The following PRDM11 variants were observed in gnomAD, a reference collection of about 807,000 sequenced individuals.
PRDM11 encodes PR domain-containing protein 11.
Under a neutral mutation model 97.8 loss-of-function variants are expected in PRDM11, and 20 were observed. That is an observed-to-expected ratio of 0.20 (90% CI 0.14 to 0.30). The LOEUF (loss-of-function observed/expected upper bound fraction) is 0.30. PRDM11 is among the 10% of genes least tolerant of loss of function. PRDM11 has a pLI of 1.00. For synonymous variants in PRDM11, 599 were observed against 637.7 expected (o/e 0.94, Z 0.91); for missense variants, 1,139 against 1,555.2 (o/e 0.73, Z 4.50).
chr11:45,124,871 A>G (rs919903519), intron 1 of PRDM11, among the ~76,000 whole-genome samples: 1 of 152,124 alleles, frequency 6.6e-6, no homozygotes, highest in Non-Finnish European at 1.5e-5. Flanking sequence ...GTTAGGGAGG[A>G]TTCCTTCTTT....
chr11:45,120,557 G>A (rs1017805080), intron 1 of PRDM11, among the ~76,000 whole-genome samples: 1 of 151,864 alleles, frequency 6.6e-6, no homozygotes, highest in Non-Finnish European at 1.5e-5. Flanking sequence ...GCTAGAAAAA[G>A]AATATTGCCA....
chr11:45,125,518 C>T (rs913512811), intron 1 of PRDM11, among the ~76,000 whole-genome samples: 6 of 152,038 alleles, frequency 3.9e-5, no homozygotes, highest in Non-Finnish European at 7.4e-5. Context: ...TGAATGTGTC[C>T]CAGAGATTCT....
At chr11:45,213,259 A>G in intron 5 of PRDM11, 1 of 456,540 alleles carries the variant, frequency 2.2e-6, no homozygotes, top group Non-Finnish European at 4.4e-6. Context: ...TGAAGATGCA[A>G]GAAAAGCCAC....
At chr11:45,182,216 G>A in intron 2 of PRDM11, 30 bp from the exon 3 acceptor site, 1 of 1,596,386 alleles carries the variant, frequency 6.3e-7, no homozygotes, top group Non-Finnish European at 8.6e-7. Flanking sequence ...TGACTTCTTT[G>A]CTTTCTTTGC....
chr11:45,134,262 A>G (rs1249955794), intron 1 of PRDM11, among the ~76,000 whole-genome samples: 1 of 152,234 alleles, frequency 6.6e-6, no homozygotes, highest in Non-Finnish European at 1.5e-5. Flanking sequence ...CAGGAGATAT[A>G]GAAGAAAACT....
intron 1 of PRDM11, among the ~76,000 whole-genome samples, chr11:45,166,197 C>T (rs1412898514): frequency 1.3e-5 from 2 of 152,190 alleles, no homozygotes; most frequent in Admixed American, 6.5e-5. Flanking sequence ...TTACACTGTC[C>T]TCAGGACTTG....
At position 45,228,260 on chromosome 11, in the gene PRDM11, TTATATTATA is replaced by T. The variant is rs1482108633; in HGVS notation, c.*107_*115del. ...TAAATATATATTATATTATATTATA[TTATATTATA>T]TATATATATATATATAAACTCACAC... On this transcript the variant is annotated 3_prime_UTR_variant, in exon 8 of 8. Transcript: ENST00000683152. The T allele has an allele frequency of 1.2e-4, 34 of 280,114 alleles. No individual in the cohort carries two copies. Among genetic ancestry groups the T allele is most frequent in the South Asian group, 1.6e-4 (1 of 6,328 alleles). 17.4% of individuals were successfully genotyped at this position (280,114 alleles called of 1,614,324 possible). A position where few individuals can be genotyped will look rare whatever the true frequency, so the allele number is the denominator to read the frequency against.
At chr11:45,155,886 T>C (rs765841027) in intron 1 of PRDM11, among the ~76,000 whole-genome samples, 12 of 152,080 alleles carry the variant, frequency 7.9e-5, no homozygotes, top group Non-Finnish European at 1.3e-4. Context: ...CAAATGAGTG[T>C]GGACGGGCAT....
At chr11:45,216,355 T>A (rs1853957327) in intron 5 of PRDM11, among the ~76,000 whole-genome samples, 1 of 152,214 alleles carries the variant, frequency 6.6e-6, no homozygotes. Context: ...GGATAGATTT[T>A]GCCCCTCCTG....
At chr11:45,205,898 G>C (rs921419854) in intron 5 of PRDM11, among the ~76,000 whole-genome samples, 2 of 152,130 alleles carry the variant, frequency 1.3e-5, no homozygotes, top group African/African-American at 4.8e-5. Context: ...GTTAGGGAAG[G>C]TGTTCTCATT....
At chr11:45,210,553 A>G (rs4755948) in intron 5 of PRDM11, among the ~76,000 whole-genome samples, 136,927 of 152,260 alleles carry the variant, frequency 0.9, 62,593 homozygotes, top group Non-Finnish European at 0.98. Context: ...GAGGGGCCCC[A>G]GGGAAGCAGC....
intron 1 of PRDM11, among the ~76,000 whole-genome samples, chr11:45,163,997 C>T (rs1256160983): frequency 6.6e-6 from 1 of 152,144 alleles, no homozygotes; most frequent in Non-Finnish European, 1.5e-5. Context: ...AGGCGCAGCT[C>T]ACGGAGCTCA....
rs1441015913 is a variant in PRDM11, at chr11:45,226,704, C to T, written c.2079C>T (p.Ser693=). 3.5e-5 allele frequency: 54 copies of T among 1,533,858 alleles called. No homozygotes were observed. The highest frequency in any genetic ancestry group is 4.4e-5 in the Non-Finnish European group (51 of 1,146,736). ...SDGPPATEFL[S]LQELGFSSTE... ...GGCCCCCGGCCACAGAGTTCCTGTC[C>T]CTGCAGGAGCTGGGATTCTCTAGCA... Residue 693 remains serine (S), a synonymous_variant, in exon 8 of 8, where the codon TCC becomes TCT. Transcript: ENST00000683152.
rs1443737599 is a variant in PRDM11 at position 45,219,522 on chromosome 11, C to A, written c.555-48C>A. Reference sequence around the variant, plus strand: ...CACTGTGCCGGCACCAGCGGGCACTCAACAAAGGGTGGCCCGTGCGTTCTC... The same window carrying A: ...CACTGTGCCGGCACCAGCGGGCACTAAACAAAGGGTGGCCCGTGCGTTCTC... On this transcript the variant is annotated intron_variant, in intron 5 of 7. Coordinates refer to ENST00000683152, the MANE Select transcript of PRDM11 (RefSeq NM_001384648.1). This position sits in a 1 kb window ranked among gnomAD's most constrained non-coding sequence, Gnocchi z 4.2. 6.5e-7 allele frequency: 1 copy of A among 1,544,100 alleles called. No homozygotes were observed. Among genetic ancestry groups the A allele is most frequent in the Admixed American group, 1.7e-5 (1 of 57,896 alleles).
chr11:45,123,551 C>A (rs1348513408), intron 1 of PRDM11, among the ~76,000 whole-genome samples: 4 of 152,108 alleles, frequency 2.6e-5, no homozygotes, highest in Non-Finnish European at 5.9e-5. Flanking sequence ...CCAGTTTCAG[C>A]TTTCTACATA....
At chr11:45,112,112 A>C (rs1852195220) in intron 1 of PRDM11, among the ~76,000 whole-genome samples, 2 of 152,068 alleles carry the variant, frequency 1.3e-5, no homozygotes, top group Admixed American at 6.6e-5. Flanking sequence ...ACCTTCCCCC[A>C]CAAGTCCCCA....
chr11:45,226,975 C>T lies in PRDM11; in HGVS notation c.2350C>T (p.Leu784=). ...SGKELPCLEE[L]ENNLKQLLSF... ...GAAGGAGCTCCCATGCCTGGAGGAG[C>T]TGGAGAACAACCTGAAGCAGCTGCT... is the stretch of plus-strand genomic sequence containing the variant. The change falls in exon 8 of 8, where the codon CTG becomes TTG. Residue 784 remains leucine (L), a synonymous_variant. Transcript: ENST00000683152. The T allele has an allele frequency of 1.3e-6, 2 of 1,533,940 alleles. No homozygotes were observed. The highest frequency in any genetic ancestry group is 1.7e-6 in the Non-Finnish European group (2 of 1,146,722).
At chr11:45,168,510 C>T (rs1255669666) in intron 1 of PRDM11, among the ~76,000 whole-genome samples, 2 of 152,170 alleles carry the variant, frequency 1.3e-5, no homozygotes, top group African/African-American at 4.8e-5. Flanking sequence ...CTCCCTCTGC[C>T]TCCTCCGGTG....
chr11:45,201,914 A>G (rs921783675), intron 4 of PRDM11, among the ~76,000 whole-genome samples: 5 of 152,066 alleles, frequency 3.3e-5, no homozygotes, highest in African/African-American at 9.7e-5. Flanking sequence ...CGGAGCTTGC[A>G]GTGAGCCGAG....
Sources: allele counts gnomAD v4.1 joint callset (sites outside exome capture counted in the v4.1 genomes callset), GRCh38; gene constraint gnomAD v4.1.1; non-coding constraint Gnocchi (gnomAD v3.1); transcripts MANE v1.5; gene names NCBI Gene and HGNC (gene_info 2026-07-23, HGNC 2026-07-21).